NEK11: variants seen among roughly 807,000 people sequenced by gnomAD.
The protein encoded by NEK11 is serine/threonine-protein kinase Nek11.
A neutral mutation model predicts 80.7 loss-of-function variants in NEK11; 72 were observed. The ratio of observed to expected loss-of-function variants is 0.89; its 90% CI spans 0.74 to 1.08. NEK11 has a LOEUF of 1.08. Ranked by LOEUF, NEK11 falls within the 50% of genes least tolerant of loss-of-function variation. The probability of loss-of-function intolerance (pLI) is 0.00; values close to 1 mark genes in which losing one functional copy is unlikely to be tolerated. For synonymous variants in NEK11, 251 were observed against 260.7 expected (o/e 0.96, Z 0.36); for missense variants, 764 against 763.6 (o/e 1.00, Z -0.01).
At chr3:131,287,447 C>T (rs1317335185) in intron 17 of NEK11, among the ~76,000 whole-genome samples, 4 of 151,946 alleles carry the variant, frequency 2.6e-5, no homozygotes, top group Admixed American at 2.6e-4. Context: ...CTAATTTTTA[C>T]ATTTTTAGTA....
intron 3 of NEK11, among the ~76,000 whole-genome samples, chr3:131,032,416 A>G (rs2172509): frequency 0.94 from 143,388 of 152,332 alleles, 67,652 homozygotes; most frequent in African/African-American, 0.97. Flanking sequence ...GACAAATTCC[A>G]TATTCTCCAG....
At chr3:131,255,074 A>AGAC (rs1561221002) in intron 16 of NEK11, among the ~76,000 whole-genome samples, 37 of 122,112 alleles carry the variant, frequency 3.0e-4, no homozygotes, top group African/African-American at 9.5e-4. Context: ...GACAGACAGA[A>AGAC]AGAAGGAAAG....
At chr3:131,187,001 T>C (rs2093626383) in intron 14 of NEK11, among the ~76,000 whole-genome samples, 1 of 152,194 alleles carries the variant, frequency 6.6e-6, no homozygotes, top group African/African-American at 2.4e-5. Flanking sequence ...TTAGTTGGAA[T>C]ATGAAGAAAT....
chr3:131,132,119 T>C (rs1009883543), intron 5 of NEK11, among the ~76,000 whole-genome samples: 5 of 152,106 alleles, frequency 3.3e-5, no homozygotes, highest in Non-Finnish European at 7.4e-5. Flanking sequence ...TGACTTTCAG[T>C]TTCTTTTTGA....
At chr3:131,188,386 C>A (rs1188952685) in intron 14 of NEK11, among the ~76,000 whole-genome samples, 4 of 152,136 alleles carry the variant, frequency 2.6e-5, no homozygotes, top group Non-Finnish European at 1.5e-5. Context: ...TACTTTTGCA[C>A]TAACCTAGTA....
rs531833065 is a variant in NEK11, at chr3:131,081,963, T to C, written c.336+1375T>C. 1.6e-3 allele frequency among the ~76,000 whole-genome samples: 246 copies of C among 152,374 alleles called. 1 individual carries two copies. Among genetic ancestry groups the C allele is most frequent in the South Asian group, 7.2e-3 (35 of 4,832 alleles). ...AAACCAATAGCCAAGTTAAAATATC[T>C]GAACAAGTTTGAAATATTCCATGTC... On this transcript the variant is annotated intron_variant, in intron 4 of 17. Transcript: ENST00000383366.
chr3:131,081,587 C>T (rs950890051), intron 4 of NEK11, among the ~76,000 whole-genome samples: 3 of 151,962 alleles, frequency 2.0e-5, no homozygotes, highest in Non-Finnish European at 4.4e-5. Flanking sequence ...TAGAGAATAC[C>T]CAAAGATGAC....
intron 3 of NEK11, among the ~76,000 whole-genome samples, chr3:131,058,210 G>A (rs369441946): frequency 0.017 from 2,512 of 152,116 alleles, 68 homozygotes; most frequent in African/African-American, 0.057. Flanking sequence ...GATATGCGGC[G>A]TTATTTCTGA....
intron 7 of NEK11, among the ~76,000 whole-genome samples, chr3:131,138,496 AG>A (rs758156564): frequency 6.6e-6 from 1 of 152,144 alleles, no homozygotes; most frequent in Non-Finnish European, 1.5e-5. Context: ...ACACCTCTCA[AG>A]GGAAGGACAC....
chr3:131,314,123 G>A (rs1228709953), intron 17 of NEK11, among the ~76,000 whole-genome samples: 2 of 146,682 alleles, frequency 1.4e-5, no homozygotes, highest in Non-Finnish European at 3.0e-5. Context: ...TATCCATGGA[G>A]AAAAAGAGTG....
At chr3:131,051,707 C>T (rs985709353) in intron 3 of NEK11, among the ~76,000 whole-genome samples, 4 of 151,662 alleles carry the variant, frequency 2.6e-5, no homozygotes, top group Admixed American at 1.3e-4. Context: ...TTTTTTGATA[C>T]AGGGTTTCAA....
chr3:131,333,422 G>T (rs1233131608), intron 17 of NEK11, among the ~76,000 whole-genome samples: 2 of 152,136 alleles, frequency 1.3e-5, no homozygotes, highest in African/African-American at 4.8e-5. Context: ...AATGCTGAGA[G>T]ATTTTGTCAC....
At chr3:131,056,241 G>A (rs1013498596) in intron 3 of NEK11, among the ~76,000 whole-genome samples, 1 of 152,176 alleles carries the variant, frequency 6.6e-6, no homozygotes, top group African/African-American at 2.4e-5. Flanking sequence ...ATGAATGGGC[G>A]CTATGGAATT....
At chr3:131,237,058 G>A (rs2095442178) in intron 15 of NEK11, among the ~76,000 whole-genome samples, 1 of 152,152 alleles carries the variant, frequency 6.6e-6, no homozygotes, top group African/African-American at 2.4e-5. Context: ...AAGTAGGTGG[G>A]GCTGGGTACA....
chr3:131,338,098 C>T (rs539627439), intron 17 of NEK11, among the ~76,000 whole-genome samples: 17 of 152,144 alleles, frequency 1.1e-4, no homozygotes, highest in South Asian at 1.0e-3. Context: ...TCCCGAGTAG[C>T]TGGGACTACA....
At chr3:131,167,268 T>A (rs903278802) in intron 12 of NEK11, among the ~76,000 whole-genome samples, 30 of 152,318 alleles carry the variant, frequency 2.0e-4, no homozygotes, top group African/African-American at 6.5e-4. Context: ...CTCTTCAGGG[T>A]CTTGTCTTCC....
intron 14 of NEK11, among the ~76,000 whole-genome samples, chr3:131,172,928 G>A (rs1480523835): frequency 6.6e-6 from 1 of 152,200 alleles, no homozygotes; most frequent in African/African-American, 2.4e-5. Flanking sequence ...CTCATTATAT[G>A]TAAATTATAA....
At chr3:131,138,174 C>A (rs1232571039) in intron 7 of NEK11, among the ~76,000 whole-genome samples, 1 of 152,152 alleles carries the variant, frequency 6.6e-6, no homozygotes, top group Non-Finnish European at 1.5e-5. Flanking sequence ...CAGAGGGGAA[C>A]CCACTGCCCT....
At chr3:131,152,755 T>C in intron 9 of NEK11, 46 bp downstream of exon 9, 1 of 1,286,802 alleles carries the variant, frequency 7.8e-7, no homozygotes. Flanking sequence ...TGAGCATTTG[T>C]ATACACATTC....
Sources: allele counts gnomAD v4.1 joint callset (sites outside exome capture counted in the v4.1 genomes callset), GRCh38; gene constraint gnomAD v4.1.1; transcripts MANE v1.5; gene names NCBI Gene and HGNC (gene_info 2026-07-23, HGNC 2026-07-21).